PTPRT: variants seen among roughly 807,000 people sequenced by gnomAD.
PTPRT encodes protein tyrosine phosphatase receptor type T.
Under a neutral mutation model 176.8 loss-of-function variants are expected in PTPRT, and 56 were observed. The observed-to-expected ratio is 0.32, with a 90% CI of 0.26 to 0.40. The LOEUF (loss-of-function observed/expected upper bound fraction) is 0.40, where lower values mean the gene tolerates loss of function less well. Among genes scored for constraint, PTPRT ranks in the 10% least tolerant of loss-of-function variants. The pLI is 1.00. For missense variants in PTPRT, 1,540 were observed against 1,908.2 expected (o/e 0.81, Z 3.60); for synonymous variants, 783 against 739.0 (o/e 1.06, Z -0.96).
At chr20:42,425,625 C>T (rs1241761118) in intron 9 of PTPRT, among the ~76,000 whole-genome samples, 2 of 152,140 alleles carry the variant, frequency 1.3e-5, no homozygotes, top group Non-Finnish European at 2.9e-5. Context: ...TAAGTCCTCT[C>T]ACCATGAACA....
chr20:42,686,563 A>G (rs1600606925), intron 6 of PTPRT, among the ~76,000 whole-genome samples: 1 of 137,178 alleles, frequency 7.3e-6, no homozygotes. Flanking sequence ...AGCTCACCGC[A>G]GCCTCCGCCT....
At chr20:43,115,896 G>A (rs1222815741) in intron 1 of PTPRT, among the ~76,000 whole-genome samples, 1 of 152,136 alleles carries the variant, frequency 6.6e-6, no homozygotes, top group Non-Finnish European at 1.5e-5. Context: ...ACAGCACTGC[G>A]AACTCAGCAA....
chr20:42,591,578 G>A (rs1165724985), intron 7 of PTPRT, among the ~76,000 whole-genome samples: 2 of 152,150 alleles, frequency 1.3e-5, no homozygotes, highest in African/African-American at 4.8e-5. Context: ...GCAGGTGATT[G>A]CTTCCCTACT....
chr20:42,517,680 T>C (rs551570433), intron 7 of PTPRT, among the ~76,000 whole-genome samples: 2 of 152,170 alleles, frequency 1.3e-5, no homozygotes, highest in Admixed American at 6.6e-5. Flanking sequence ...TTTTGACATA[T>C]AATAGTTTCA....
intron 7 of PTPRT, among the ~76,000 whole-genome samples, chr20:42,573,777 C>T (rs534399341): frequency 1.7e-5 from 2 of 114,664 alleles, no homozygotes; most frequent in Admixed American, 1.0e-4. Context: ...GAGATGGAGT[C>T]TCACTCTGTC....
Position 42,898,747 on chromosome 20 carries a change from C to T in PTPRT, c.89-12815G>A, listed in dbSNP as rs550733230. ...TGTCTTCTCACGGGCCCCAGCCTTCCCAGGCACCAGTTTGTGAGCAGACAC... is the reference window on the plus strand; with the variant it reads ...TGTCTTCTCACGGGCCCCAGCCTTCTCAGGCACCAGTTTGTGAGCAGACAC... On this transcript the variant is annotated intron_variant, in intron 1 of 30. Coordinates refer to ENST00000373187, the MANE Select transcript of PTPRT (RefSeq NM_007050.6). Among the ~76,000 whole-genome samples the T allele has an allele frequency of 2.0e-5, 3 of 151,628 alleles. No individual in the cohort carries two copies. The East Asian group carries it at 5.9e-4, about 30-fold the overall frequency.
chr20:43,087,217 C>T (rs1034733337), intron 1 of PTPRT, among the ~76,000 whole-genome samples: 3 of 152,154 alleles, frequency 2.0e-5, no homozygotes, highest in Non-Finnish European at 4.4e-5. Context: ...TAGCTTTTGA[C>T]TCTGGCTTCT....
intron 1 of PTPRT, among the ~76,000 whole-genome samples, chr20:43,185,731 C>G (rs2015373882): frequency 1.3e-5 from 2 of 152,036 alleles, no homozygotes; most frequent in South Asian, 2.1e-4. Context: ...GTCAGGAGTT[C>G]AAGACCAGCT....
chr20:42,349,284 G>A (rs1371498236), intron 11 of PTPRT, among the ~76,000 whole-genome samples: 2 of 152,152 alleles, frequency 1.3e-5, no homozygotes, highest in Admixed American at 6.5e-5. Flanking sequence ...TGATGTTTAT[G>A]TTAAAGCAAC....
At chr20:42,933,522 C>T (rs1003689454) in intron 1 of PTPRT, among the ~76,000 whole-genome samples, 1 of 152,150 alleles carries the variant, frequency 6.6e-6, no homozygotes, top group Non-Finnish European at 1.5e-5. Context: ...TGAGTGTTTC[C>T]TGGTCTATTG....
chr20:42,734,045 G>A (rs1008304872), intron 6 of PTPRT, among the ~76,000 whole-genome samples: 1 of 152,232 alleles, frequency 6.6e-6, no homozygotes, highest in African/African-American at 2.4e-5. Flanking sequence ...CTGAAACGCT[G>A]TGTCTGAGAT....
intron 2 of PTPRT, among the ~76,000 whole-genome samples, chr20:42,801,422 C>T (rs558296816): frequency 6.6e-6 from 1 of 152,280 alleles, no homozygotes; most frequent in East Asian, 1.9e-4. Context: ...CCTCAGTTTC[C>T]CCAAGGTGGT....
intron 9 of PTPRT, among the ~76,000 whole-genome samples, chr20:42,420,606 C>T (rs541517314): frequency 3.0e-4 from 46 of 152,318 alleles, no homozygotes; most frequent in African/African-American, 1.1e-3. Flanking sequence ...ACTCACCTTG[C>T]TGTCCAGCAC....
chr20:43,083,351 T>TATACACACATATATATATATATATATAC (rs2011510110), intron 1 of PTPRT, among the ~76,000 whole-genome samples: 1 of 114,318 alleles, frequency 8.7e-6, no homozygotes, highest in African/African-American at 3.4e-5. Flanking sequence ...TATATATATA[T>TATACACACATATATATATATATATATAC]ATATATATAT....
intron 27 of PTPRT, among the ~76,000 whole-genome samples, chr20:42,087,000 A>C (rs1400464607): frequency 6.6e-6 from 1 of 151,566 alleles, no homozygotes; most frequent in Admixed American, 6.6e-5. Flanking sequence ...CCTTCTGTTT[A>C]AGACAGTGGT....
chr20:42,452,553 A>G (rs1429206169), intron 8 of PTPRT, among the ~76,000 whole-genome samples: 1 of 152,144 alleles, frequency 6.6e-6, no homozygotes, highest in Non-Finnish European at 1.5e-5. Context: ...AGAAGCTTTA[A>G]TCACAGAGTA....
chr20:43,073,325 G>C lies in PTPRT; in HGVS notation c.88+116321C>G, dbSNP rs144278472. Among the ~76,000 whole-genome samples the C allele has an allele frequency of 4.0e-3, 609 of 152,162 alleles. 1 individual carries two copies. Among genetic ancestry groups the C allele is most frequent in the South Asian group, 0.013 (61 of 4,824 alleles). On this transcript the variant is annotated intron_variant, in intron 1 of 30. Coordinates refer to ENST00000373187, the MANE Select transcript of PTPRT (RefSeq NM_007050.6). ...TTTTCAAAACTGTTTCCATACGTCT[G>C]TCTCTTATTTCAATGTGCTCCGTTA...
At chr20:42,113,139 G>T (rs1987093431) in intron 22 of PTPRT, among the ~76,000 whole-genome samples, 1 of 152,208 alleles carries the variant, frequency 6.6e-6, no homozygotes, top group Non-Finnish European at 1.5e-5. Flanking sequence ...CTGTGGAGAG[G>T]CTGGCTAAGC....
chr20:42,053,790 T>C, the PTPRT span, among the ~76,000 whole-genome samples: 6 of 152,260 alleles, frequency 3.9e-5, no homozygotes, highest in African/African-American at 1.4e-4. Context: ...CGGTTAGCAT[T>C]TATTTAGCAC....
Sources: allele counts gnomAD v4.1 joint callset (sites outside exome capture counted in the v4.1 genomes callset), GRCh38; gene constraint gnomAD v4.1.1; transcripts MANE v1.5; gene names NCBI Gene and HGNC (gene_info 2026-07-23, HGNC 2026-07-21).